Variants in STAG3 observed in about 807,000 individuals in gnomAD.
The protein encoded by STAG3 is STAG3 cohesin complex component.
Under a neutral mutation model 160.7 loss-of-function variants are expected in STAG3, and 101 were observed. The ratio of observed to expected loss-of-function variants is 0.63; its 90% CI spans 0.54 to 0.74. The LOEUF (loss-of-function observed/expected upper bound fraction) is 0.74, where lower values mean the gene tolerates loss of function less well. Among genes scored for constraint, STAG3 ranks in the 30% least tolerant of loss-of-function variants. The probability of loss-of-function intolerance (pLI) is 0.00; values close to 1 mark genes in which losing one functional copy is unlikely to be tolerated. For missense variants in STAG3, 1,188 were observed against 1,517.4 expected, an observed-to-expected ratio of 0.78 and a Z score of 3.61; for synonymous variants, 519 against 585.0, an observed-to-expected ratio of 0.89 and a Z score of 1.63.
intron 13 of STAG3, 126 bp downstream of exon 13, chr7:100,198,708 C>T (rs1478526091): frequency 1.6e-6 from 2 of 1,236,076 alleles, no homozygotes; most frequent in Admixed American, 3.7e-5. Flanking sequence ...TTTCTTCTCG[C>T]AGCTCCTTGG....
intron 1 of STAG3, among the ~76,000 whole-genome samples, chr7:100,178,377 A>G (rs1451925746): frequency 6.6e-6 from 1 of 152,030 alleles, no homozygotes; most frequent in East Asian, 1.9e-4. Flanking sequence ...CTCCTGTTCC[A>G]TTCCAGGTGG....
In STAG3 at chr7:100,189,341, G is replaced by T. The variant is rs11764176; in HGVS notation, c.716-104G>T. 372,849 of 1,288,402 alleles carry T rather than the reference G, an allele frequency of 0.29. 59,059 individuals are homozygous for T. The highest frequency in any genetic ancestry group is 0.61 in the East Asian group (26,148 of 42,918). 79.8% of individuals were successfully genotyped at this position (1,288,402 alleles called of 1,614,324 possible). A position where few individuals can be genotyped will look rare whatever the true frequency, so the allele number is the denominator to read the frequency against. On this transcript the variant is annotated intron_variant, in intron 7 of 33. Coordinates refer to ENST00000615138, the MANE Select transcript of STAG3 (RefSeq NM_001282717.2). Reference sequence around the variant, plus strand: ...GATTTTAGGGTCATCCTGCTCTGACGTCTCATTTTCATTGCCCTTCTTTCC... The same window carrying T: ...GATTTTAGGGTCATCCTGCTCTGACTTCTCATTTTCATTGCCCTTCTTTCC...
chr7:100,217,106 AC>A (rs1802827268), downstream of STAG3, among the ~76,000 whole-genome samples: 1 of 152,232 alleles, frequency 6.6e-6, no homozygotes, highest in Non-Finnish European at 1.5e-5. Flanking sequence ...ATCATGACTT[AC>A]AATGTTTTTA....
Position 100,213,776 on chromosome 7 carries a change from C to G in STAG3, c.3642C>G (p.Asp1214Glu), listed in dbSNP as rs1424293327. The change falls in exon 33 of 34, where the codon GAC (aspartate) becomes GAG (glutamate). Residue 1214 changes from aspartate (D) to glutamate (E), a missense_variant. Physicochemically the swap from Asp to Glu is conservative, Grantham distance 45. Coordinates refer to ENST00000615138, the MANE Select transcript of STAG3 (RefSeq NM_001282717.2). ...SYSSTSERGL[D>E]LLDSTELDIE... ...CTTCCACCAGTGAGCGCGGGCTGGA[C>G]CTCTTAGATTCTACAGAGCTGGATA... 1 of 1,614,102 alleles carries G rather than the reference C, an allele frequency of 6.2e-7. No individual in the cohort carries two copies.
At chr7:100,214,993 AGGGCCAGCCTCT>A (rs1040579589), downstream of STAG3, 1 of 151,992 alleles carries the variant, frequency 6.6e-6, no homozygotes, top group African/African-American at 2.4e-5. Context: ...GTGCAGCCTC[AGGGCCAGCCTCT>A]TGAAACTCAG....
intron 8 of STAG3, among the ~76,000 whole-genome samples, chr7:100,190,657 T>C (rs1252287109): frequency 6.6e-6 from 1 of 152,186 alleles, no homozygotes; most frequent in East Asian, 1.9e-4. Context: ...TCTCCACTTA[T>C]AAATGTATAT....
Position 100,180,550 on chromosome 7 carries a change from T to A in STAG3, c.-7T>A. 6.3e-7 allele frequency: 1 copy of A among 1,575,718 alleles called. No individual in the cohort carries two copies. Among genetic ancestry groups the A allele is most frequent in the Non-Finnish European group, 8.7e-7 (1 of 1,144,700 alleles). On this transcript the variant is annotated 5_prime_UTR_variant, in exon 2 of 34. Coordinates refer to ENST00000615138, the MANE Select transcript of STAG3 (RefSeq NM_001282717.2). The stretch of plus-strand genomic sequence containing the variant: ...CTTCCTGGCCTCATAGCTCCTCCTC[T>A]CCAAGCATGTCTTCCCCGTTGCAAA...
intron 1 of STAG3, among the ~76,000 whole-genome samples, chr7:100,178,633 C>T (rs1235972833): frequency 1.3e-5 from 2 of 150,078 alleles, no homozygotes; most frequent in Non-Finnish European, 3.0e-5. Flanking sequence ...GCTATGTGGC[C>T]CAGGCTGATC....
chr7:100,189,718 G>A, intron 8 of STAG3, 122 bp downstream of exon 8: 1 of 1,169,864 alleles, frequency 8.5e-7, no homozygotes, highest in Non-Finnish European at 1.2e-6. Context: ...TCTGGCAATA[G>A]TTTCATAGAC....
Position 100,211,077 on chromosome 7 carries a change from T to TCCCCC in STAG3, c.3308_3309insCCCCC (p.Thr1105ArgfsTer11). On this transcript the variant is annotated frameshift_variant, in exon 30 of 34. Transcript: ENST00000615138. LOFTEE classifies it high-confidence loss of function. Reference sequence around the variant, plus strand: ...GAAGAAAGTCTGCAGCTGAACAGCATCCCGCCCACGCCCACCCTCACCTCC... The same window carrying TCCCCC: ...GAAGAAAGTCTGCAGCTGAACAGCATCCCCCCCCGCCCACGCCCACCCTCACCTCC... 2 of 1,600,808 alleles carry TCCCCC rather than the reference T, an allele frequency of 1.2e-6. No individual in the cohort carries two copies. The highest frequency in any genetic ancestry group is 1.3e-5 in the African/African-American group (1 of 74,716).
At chr7:100,211,273 T>C in intron 30 of STAG3, 88 bp downstream of exon 30, 2 of 1,503,532 alleles carry the variant, frequency 1.3e-6, no homozygotes, top group South Asian at 2.6e-5. Flanking sequence ...CATGGTTCCC[T>C]GCTGTAGCAC....
chr7:100,184,527 A>G (rs1799868402), intron 4 of STAG3, among the ~76,000 whole-genome samples: 1 of 125,342 alleles, frequency 8.0e-6, no homozygotes, highest in South Asian at 2.5e-4. Context: ...GAGTGCAGTG[A>G]CGTGATCTTG....
Position 100,213,776 on chromosome 7 carries a change from C to T in STAG3, c.3642C>T (p.Asp1214=), listed in dbSNP as rs1424293327. 1.9e-6 allele frequency: 3 copies of T among 1,614,102 alleles called. No individual in the cohort carries two copies. The Admixed American group carries it at 5.0e-5, about 27-fold the overall frequency. ...CTTCCACCAGTGAGCGCGGGCTGGA[C>T]CTCTTAGATTCTACAGAGCTGGATA... ...SYSSTSERGL[D]LLDSTELDIE... is the part of the protein sequence containing the mutation. Residue 1214 remains aspartate, a synonymous_variant, in exon 33 of 34, where the codon GAC becomes GAT. Transcript: ENST00000615138.
chr7:100,201,035 T>C (rs1010431931), intron 19 of STAG3, 55 bp from the exon 20 acceptor site: 25 of 1,613,928 alleles, frequency 1.5e-5, no homozygotes, highest in Admixed American at 3.3e-5. Flanking sequence ...AGACGGGGGA[T>C]GTGGACTGAT....
chr7:100,198,383 C>T lies in STAG3; in HGVS notation c.1245-92C>T. ...TTAGAAGTTTTTTGTGAGTTATGTC[C>T]TTGTTGCTTTTGCCTCTTTTTGTTT... is the stretch of plus-strand genomic sequence containing the variant. On this transcript the variant is annotated intron_variant, in intron 12 of 33. Coordinates refer to ENST00000615138, the MANE Select transcript of STAG3 (RefSeq NM_001282717.2). 6.4e-6 allele frequency: 9 copies of T among 1,413,498 alleles called. No individual in the cohort carries two copies. The South Asian group carries it at 9.2e-5, about 14-fold the overall frequency. The allele number at this position is 1,413,498 out of a possible 1,614,324, so 87.6% of individuals were successfully genotyped here.
chr7:100,205,386 T>C lies in STAG3; in HGVS notation c.3238+2T>C. 1 of 1,611,188 alleles carries C rather than the reference T, an allele frequency of 6.2e-7. No homozygotes were observed. The highest frequency in any genetic ancestry group is 8.5e-7 in the Non-Finnish European group (1 of 1,178,670). On this transcript the variant is annotated splice_donor_variant, in intron 29 of 33. Transcript: ENST00000615138. LOFTEE classifies it high-confidence loss of function. ...GCTCCAAGAGGAGGCGCGTTGAAGGTAGGGTGCTGTGTGTGGGTATGGGGG... is the reference window on the plus strand; with the variant it reads ...GCTCCAAGAGGAGGCGCGTTGAAGGCAGGGTGCTGTGTGTGGGTATGGGGG...
chr7:100,182,053 G>A, intron 2 of STAG3, 37 bp from the exon 3 acceptor site: 3 of 1,496,486 alleles, frequency 2.0e-6, no homozygotes, highest in Non-Finnish European at 2.8e-6. Context: ...GAGGGAATAG[G>A]GTGGTTATAT....
downstream of STAG3, among the ~76,000 whole-genome samples, chr7:100,217,061 C>G (rs1490407192): frequency 1.3e-5 from 2 of 151,250 alleles, no homozygotes; most frequent in Non-Finnish European, 2.9e-5. Context: ...GGGTTTGCCT[C>G]TCTTCCCTCA....
intron 5 of STAG3, among the ~76,000 whole-genome samples, chr7:100,186,922 C>G (rs1800040530): frequency 6.6e-6 from 1 of 152,168 alleles, no homozygotes; most frequent in Non-Finnish European, 1.5e-5. Flanking sequence ...TGTGGTACCC[C>G]CAGAACTCTT....
Sources: gnomAD v4.1 joint callset for allele counts (sites outside exome capture counted in the v4.1 genomes callset) on GRCh38, gnomAD v4.1.1 for gene constraint, MANE v1.5 for transcripts, NCBI Gene and HGNC (gene_info 2026-07-23, HGNC 2026-07-21) for gene names.